The following ZMYM2 variants were observed in gnomAD, a reference collection of about 807,000 sequenced individuals.
The protein encoded by ZMYM2 is zinc finger MYM-type protein 2.
Under a neutral mutation model 162.8 loss-of-function variants are expected in ZMYM2, and 56 were observed. That is an observed-to-expected ratio of 0.34 (90% CI 0.28 to 0.43). ZMYM2 has a LOEUF of 0.43. Ranked by LOEUF, ZMYM2 falls within the 20% of genes least tolerant of loss-of-function variation. The pLI, the probability that ZMYM2 is intolerant of heterozygous loss-of-function variation, is 1.00. For synonymous variants in ZMYM2, 510 were observed against 541.6 expected, an observed-to-expected ratio of 0.94 and a Z score of 0.81; for missense variants, 1,275 against 1,621.8, an observed-to-expected ratio of 0.79 and a Z score of 3.67.
intron 21 of ZMYM2, among the ~76,000 whole-genome samples, chr13:20,079,316 C>CAAAAAAAAAAAAAAAAAAAAAAAAAAA (rs1158594782): frequency 4.3e-5 from 1 of 23,162 alleles, no homozygotes; most frequent in African/African-American, 2.2e-4. Context: ...GACTCTGTCT[C>CAAAAAAAAAAAAAAAAAAAAAAAAAAA]AAAAAAAAAA....
At chr13:20,027,846 A>G (rs1952724444) in intron 9 of ZMYM2, 2 of 162,902 alleles carry the variant, frequency 1.2e-5, no homozygotes, top group South Asian at 2.0e-4. Context: ...AATTTGGAGT[A>G]TGGATAGTCT....
At position 20,034,399 on chromosome 13, in the gene ZMYM2, G is replaced by C. The variant is rs752891176; in HGVS notation, c.2114G>C (p.Ser705Thr). The C allele has an allele frequency of 1.9e-6, 3 of 1,585,622 alleles. No homozygotes were observed. Among genetic ancestry groups the C allele is most frequent in the Non-Finnish European group, 2.6e-6 (3 of 1,169,760 alleles). ...NFSGVKRPFC[S>T]EGCKLLYKQD... Reference sequence around the variant, plus strand: ...TCTGGCGTTAAGAGACCTTTCTGTAGTGAAGGCAAGTTGCATATACAGTGT... The same window carrying C: ...TCTGGCGTTAAGAGACCTTTCTGTACTGAAGGCAAGTTGCATATACAGTGT... The change falls in exon 11 of 25, where the codon AGT (serine) becomes ACT (threonine). Residue 705 changes from serine (S) to threonine (T), a missense_variant. By Grantham distance (58) the Ser-to-Thr change is moderately conservative. This residue lies in a region of ZMYM2 where 177 missense variants were observed against 228.0 expected (regional missense o/e 0.78). Transcript: ENST00000610343.
At chr13:20,026,972 TA>T (rs1952641905) in intron 8 of ZMYM2, among the ~76,000 whole-genome samples, 1 of 152,096 alleles carries the variant, frequency 6.6e-6, no homozygotes, top group Non-Finnish European at 1.5e-5. Flanking sequence ...TTACTCCATC[TA>T]AAAAATTACC....
At position 20,057,629 on chromosome 13, in the gene ZMYM2, CTG is replaced by C. The variant is rs538786365; in HGVS notation, c.2494-943_2494-942del. Reference sequence around the variant, plus strand: ...AGTATGCGTGTGCATTATATCTGTACTGTGAGTTGATTTCAGTACAGTAGTGT... The same window carrying C: ...AGTATGCGTGTGCATTATATCTGTACTGAGTTGATTTCAGTACAGTAGTGT... On this transcript the variant is annotated intron_variant, in intron 14 of 24. Transcript: ENST00000610343. 1.4e-3 allele frequency among the ~76,000 whole-genome samples: 219 copies of C among 152,246 alleles called. 1 individual carries two copies. The highest frequency in any genetic ancestry group is 1.9e-3 in the Non-Finnish European group (129 of 68,018).
rs1955442035 is a variant in ZMYM2 at position 20,052,389 on chromosome 13, G to A, written c.2493+78G>A. 3.0e-6 allele frequency: 4 copies of A among 1,339,218 alleles called. No homozygotes were observed. In the Admixed American group the frequency reaches 1.1e-4, roughly 37 times the overall value. The allele number at this position is 1,339,218 out of a possible 1,614,324, so 83.0% of individuals were successfully genotyped here. On this transcript the variant is annotated intron_variant, in intron 14 of 24. Transcript: ENST00000610343. ...AAAAATAATTAGGCCAATTTAATGTGATCATAATAGTAATTTTTTTGGTTT... is the reference window on the plus strand; with the variant it reads ...AAAAATAATTAGGCCAATTTAATGTAATCATAATAGTAATTTTTTTGGTTT...
At chr13:20,085,445 C>T (rs192763450) in intron 24 of ZMYM2, among the ~76,000 whole-genome samples, 333 of 152,216 alleles carry the variant, frequency 2.2e-3, no homozygotes, top group Non-Finnish European at 3.0e-3. Context: ...TTATGTGCTG[C>T]CATACATATT....
chr13:19,942,042 G>T, the ZMYM2 span, among the ~76,000 whole-genome samples: 10 of 151,838 alleles, frequency 6.6e-5, no homozygotes, highest in Non-Finnish European at 1.5e-4. Flanking sequence ...CCTGCACCTG[G>T]CCAAAAATTA....
the ZMYM2 span, among the ~76,000 whole-genome samples, chr13:19,928,796 C>CA: frequency 3.6e-3 from 405 of 111,882 alleles, 1 homozygote; most frequent in Middle Eastern, 0.047. Context: ...GACTCTGTCT[C>CA]AAAAAAAAAA....
chr13:20,067,485 A>G (rs1956769349), intron 21 of ZMYM2, 95 bp downstream of exon 21: 2 of 1,233,800 alleles, frequency 1.6e-6, no homozygotes, highest in Admixed American at 2.8e-5. Context: ...TTATTGACTT[A>G]CCAAGAAACA....
intron 5 of ZMYM2, among the ~76,000 whole-genome samples, chr13:20,005,913 G>T (rs569509236): frequency 3.9e-4 from 60 of 152,058 alleles, no homozygotes; most frequent in African/African-American, 1.4e-3. Flanking sequence ...GTGTTCCTGT[G>T]TGTATAAAAA....
At chr13:19,999,247 T>A (rs1950223734) in intron 3 of ZMYM2, among the ~76,000 whole-genome samples, 1 of 152,194 alleles carries the variant, frequency 6.6e-6, no homozygotes, top group Admixed American at 6.5e-5. Flanking sequence ...GATAATTGCA[T>A]TTTACACAAA....
intron 4 of ZMYM2, among the ~76,000 whole-genome samples, chr13:20,004,264 T>C (rs1594299898): frequency 6.8e-6 from 1 of 146,982 alleles, no homozygotes; most frequent in Non-Finnish European, 1.5e-5. Context: ...TTTTGTTTTG[T>C]TTTTTTTTGA....
chr13:20,005,046 A>T, intron 4 of ZMYM2, 28 bp from the exon 5 acceptor site: 1 of 1,567,244 alleles, frequency 6.4e-7, no homozygotes, highest in Non-Finnish European at 8.6e-7. Flanking sequence ...TTAAAATGGA[A>T]TTTTAATATG....
Position 20,086,389 on chromosome 13 carries a change from T to C in ZMYM2, c.*375T>C. ...CTTCCTTGGAAGGGGGCTCTTTTAC[T>C]GGGTTCTTAACCAGATGGTTGTGTA... On this transcript the variant is annotated 3_prime_UTR_variant, in exon 25 of 25. Transcript: ENST00000610343. 1 of 231,052 alleles carries C rather than the reference T, an allele frequency of 4.3e-6. No individual in the cohort carries two copies. The highest frequency in any genetic ancestry group is 1.7e-4 in the South Asian group (1 of 5,862). 14.3% of individuals were successfully genotyped at this position (231,052 alleles called of 1,614,324 possible). A position where few individuals can be genotyped will look rare whatever the true frequency, so the allele number is the denominator to read the frequency against.
chr13:19,968,058 A>G (rs946178843), intron 2 of ZMYM2, among the ~76,000 whole-genome samples: 8 of 152,202 alleles, frequency 5.3e-5, no homozygotes, highest in African/African-American at 1.9e-4. Flanking sequence ...ATACTTTTAG[A>G]AAGAAATCCA....
At chr13:20,033,624 C>T (rs1953402940) in intron 10 of ZMYM2, among the ~76,000 whole-genome samples, 1 of 152,158 alleles carries the variant, frequency 6.6e-6, no homozygotes, top group Non-Finnish European at 1.5e-5. Context: ...AGAAAAGCTG[C>T]CTCCCTGGAA....
At position 20,006,439 on chromosome 13, in the gene ZMYM2, A is replaced by T; in HGVS notation, c.1365A>T (p.Arg455Ser). The T allele has an allele frequency of 6.2e-7, 1 of 1,610,498 alleles. No individual in the cohort carries two copies. The highest frequency in any genetic ancestry group is 8.5e-7 in the Non-Finnish European group (1 of 1,178,086). Residue 455 changes from arginine to serine, a missense_variant, in exon 6 of 25, where the codon AGA becomes AGT. Arg to Ser is a moderately radical substitution (Grantham distance 110). Transcript: ENST00000610343. The part of the protein sequence containing the change: ...HKLCSDHCFN[R>S]YRMANGLIMN... ...TGTGCAGTGACCACTGCTTTAATAG[A>T]TATAGAATGGCCAATGGTTTAATAA...
the ZMYM2 span, among the ~76,000 whole-genome samples, chr13:19,926,340 GGGTGGAGTTA>G: frequency 2.7e-5 from 4 of 150,506 alleles, no homozygotes; most frequent in African/African-American, 9.8e-5. Flanking sequence ...GGGGGTGAGT[GGGTGGAGTTA>G]GGACTACTTA....
chr13:19,919,438 G>C, the ZMYM2 span, among the ~76,000 whole-genome samples: 1 of 152,020 alleles, frequency 6.6e-6, no homozygotes, highest in Non-Finnish European at 1.5e-5. Context: ...TTTCCAGAGT[G>C]GCTGCACCCT....
Sources: allele counts gnomAD v4.1 joint callset (sites outside exome capture counted in the v4.1 genomes callset), GRCh38; gene constraint gnomAD v4.1.1; regional missense constraint gnomAD v4.1.1; transcripts MANE v1.5; gene names NCBI Gene and HGNC (gene_info 2026-07-23, HGNC 2026-07-21).